The following ALG1L2 variants were observed in gnomAD, a reference collection of about 807,000 sequenced individuals.
The protein encoded by ALG1L2 is ALG1 chitobiosyldiphosphodolichol beta-mannosyltransferase like 2, also known as putative glycosyltransferase ALG1L2.
In ALG1L2, 32 loss-of-function variants were observed where a neutral mutation model predicts 29.0. The ratio of observed to expected loss-of-function variants is 1.10; its 90% CI spans 0.83 to 1.48. The LOEUF (loss-of-function observed/expected upper bound fraction) is 1.48, where lower values mean the gene tolerates loss of function less well. Ranked by LOEUF, ALG1L2 falls within the 40% of genes most tolerant of loss-of-function variation. The pLI, the probability that ALG1L2 is intolerant of heterozygous loss-of-function variation, is 0.00. For missense variants in ALG1L2, 318 were observed against 274.1 expected, an observed-to-expected ratio of 1.16 and a Z score of -1.13; for synonymous variants, 110 against 109.5, an observed-to-expected ratio of 1.00 and a Z score of -0.03.
At chr3:130,092,461 G>A (rs1009855033) in intron 3 of ALG1L2, among the ~76,000 whole-genome samples, 3 of 152,188 alleles carry the variant, frequency 2.0e-5, no homozygotes, top group Non-Finnish European at 4.4e-5. Context: ...GTGTGGCTGC[G>A]GTGAGGAGCT....
At chr3:130,097,472 T>G (rs1935169611) in intron 7 of ALG1L2, among the ~76,000 whole-genome samples, 1 of 152,170 alleles carries the variant, frequency 6.6e-6, no homozygotes, top group Non-Finnish European at 1.5e-5. Flanking sequence ...GCCCTCTAGA[T>G]TTATGGAGCT....
At chr3:130,091,730 G>C (rs1312032459) in intron 2 of ALG1L2, 1 of 574,238 alleles carries the variant, frequency 1.7e-6, no homozygotes, top group Admixed American at 2.3e-5. Flanking sequence ...TGTCCCCTGG[G>C]GTGTCTCATG....
intron 1 of ALG1L2, chr3:130,090,762 T>G (rs939063718): frequency 1.1e-5 from 1 of 90,362 alleles, no homozygotes; most frequent in African/African-American, 4.0e-5. Context: ...GAGAGTAGAC[T>G]CTCATCAAAG....
chr3:130,098,343 C>A lies in ALG1L2; in HGVS notation c.*88C>A, dbSNP rs1012103303. 6.3e-7 allele frequency: 1 copy of A among 1,596,220 alleles called. No homozygotes were observed. The highest frequency in any genetic ancestry group is 1.3e-5 in the African/African-American group (1 of 74,824). On this transcript the variant is annotated 3_prime_UTR_variant, in exon 8 of 8. Transcript: ENST00000425059. Reference sequence around the variant, plus strand: ...ATGAGAGCTGGGTGCAGACTGTGCTCCCTTTGGTTATGGACACATAACTCC... The same window carrying A: ...ATGAGAGCTGGGTGCAGACTGTGCTACCTTTGGTTATGGACACATAACTCC...
intron 1 of ALG1L2, among the ~76,000 whole-genome samples, chr3:130,084,174 A>G (rs1175659925): frequency 6.6e-6 from 1 of 150,764 alleles, no homozygotes; most frequent in Non-Finnish European, 1.5e-5. Flanking sequence ...AGGAGATGGG[A>G]CAACAGCTGG....
chr3:130,091,698 T>C lies in ALG1L2; in HGVS notation c.131+327T>C, dbSNP rs139655719. 1.6e-3 allele frequency: 836 copies of C among 534,340 alleles called. 7 individuals carry two copies. Among genetic ancestry groups the C allele is most frequent in the African/African-American group, 0.014 (744 of 52,538 alleles). The allele number at this position is 534,340 out of a possible 1,614,324, so 33.1% of individuals were successfully genotyped here. On this transcript the variant is annotated intron_variant, in intron 2 of 7. Coordinates refer to ENST00000425059, the MANE Select transcript of ALG1L2 (RefSeq NM_001136152.1). ...TCCTGCCAATGGGTTCCCAGGCCTG[T>C]GGCAGGATCTGTGGACCTGTGTGTC... is the stretch of plus-strand genomic sequence containing the variant.
Position 130,098,078 on chromosome 3 carries a change from G to A in ALG1L2, c.616-145G>A, listed in dbSNP as rs1316396569. 1.2e-5 allele frequency: 13 copies of A among 1,103,478 alleles called. No homozygotes were observed. The Admixed American group carries it at 1.7e-4, about 14-fold the overall frequency. The allele number at this position is 1,103,478 out of a possible 1,614,324, so 68.4% of individuals were successfully genotyped here. ...AAGCATGTCAAGATGGAGGCGGAGC[G>A]CTGCTGGGGTGTGAAGGGTCTCAAG... On this transcript the variant is annotated intron_variant, in intron 7 of 7. Transcript: ENST00000425059.
At position 130,089,229 on chromosome 3, in the gene ALG1L2, C is replaced by G. The variant is rs148107593; in HGVS notation, c.21-2032C>G. Among the ~76,000 whole-genome samples the G allele has an allele frequency of 1.1e-3, 171 of 152,392 alleles. No homozygotes were observed. The East Asian group carries it at 0.025, about 23-fold the overall frequency. On this transcript the variant is annotated intron_variant, in intron 1 of 7. Transcript: ENST00000425059. ...TCCCAAGTAAACTGAGGCACCTCCA[C>G]TGGTCCCTTTGTGAGGCACGCTTGA...
In ALG1L2 at chr3:130,084,228, C is replaced by A. The variant is rs1934844414; in HGVS notation, c.20+2192C>A. ...GTAATCCCAGCTACTCAGGCTGAGACAGTAGGATAGCTCGAGGCCAGGAGT... is the reference window on the plus strand; with the variant it reads ...GTAATCCCAGCTACTCAGGCTGAGAAAGTAGGATAGCTCGAGGCCAGGAGT... On this transcript the variant is annotated intron_variant, in intron 1 of 7. Transcript: ENST00000425059. Among the ~76,000 whole-genome samples the A allele has an allele frequency of 2.6e-5, 4 of 151,048 alleles. No homozygotes were observed. In the East Asian group the frequency reaches 7.7e-4, roughly 29 times the overall value.
chr3:130,091,674 C>T, intron 2 of ALG1L2: 1 of 536,232 alleles, frequency 1.9e-6, no homozygotes, highest in Non-Finnish European at 3.4e-6. Context: ...GTCTTACTCT[C>T]CTGCCAATGG....
chr3:130,097,491 A>T (rs149505905), intron 7 of ALG1L2, among the ~76,000 whole-genome samples: 2,414 of 152,344 alleles, frequency 0.016, 57 homozygotes, highest in African/African-American at 0.055. Flanking sequence ...CTGAGACTCC[A>T]CAAATGATGC....
In ALG1L2 at chr3:130,096,093, C is replaced by A. The variant is rs578194713; in HGVS notation, c.469C>A (p.Leu157Met). ...CTGTCTGGACACGTCCTCCAGTGGC[C>A]TGGACCTGCCCATGAAGGTGGTGGA... ...DVCLDTSSSG[L>M]DLPMKVVDMF... Residue 157 changes from leucine (L) to methionine (M), a missense_variant, in exon 6 of 8, where the codon CTG (leucine) becomes ATG (methionine). Transcript: ENST00000425059. 3.2e-5 allele frequency: 47 copies of A among 1,479,416 alleles called. No homozygotes were observed. The highest frequency in any genetic ancestry group is 4.2e-5 in the Non-Finnish European group (47 of 1,115,436). 91.6% of individuals were successfully genotyped at this position (1,479,416 alleles called of 1,614,324 possible).
rs373928413 is a variant in ALG1L2, at chr3:130,093,085, C to CT, written c.254-9dup. ...TCAGAAATTCCATGTAGAATTGTTT[C>CT]TTTTTTTAAACACAGAGTTTGAACA... On this transcript the variant is annotated splice_polypyrimidine_tract_variant and intron_variant, in intron 3 of 7. Coordinates refer to ENST00000425059, the MANE Select transcript of ALG1L2 (RefSeq NM_001136152.1). The CT allele has an allele frequency of 1.6e-6, 2 of 1,262,190 alleles. No individual in the cohort carries two copies. The highest frequency in any genetic ancestry group is 2.1e-5 in the Admixed American group (1 of 47,790). 78.2% of individuals were successfully genotyped at this position (1,262,190 alleles called of 1,614,324 possible). A position where few individuals can be genotyped will look rare whatever the true frequency, so the allele number is the denominator to read the frequency against.
chr3:130,094,065 G>A lies in ALG1L2; in HGVS notation c.314-338G>A, dbSNP rs114607882. 2.2e-3 allele frequency: 742 copies of A among 339,170 alleles called. 6 individuals are homozygous for A. Among genetic ancestry groups the A allele is most frequent in the African/African-American group, 0.015 (684 of 47,114 alleles). The allele number at this position is 339,170 out of a possible 1,614,324, so 21.0% of individuals were successfully genotyped here. A position where few individuals can be genotyped will look rare whatever the true frequency, so the allele number is the denominator to read the frequency against. On this transcript the variant is annotated intron_variant, in intron 4 of 7. Coordinates refer to ENST00000425059, the MANE Select transcript of ALG1L2 (RefSeq NM_001136152.1). Reference sequence around the variant, plus strand: ...GTTTGGGGGCTGTGCCAGGGCAGAGGGAGTCCTCTTGTCCCCTGTGCACAA... The same window carrying A: ...GTTTGGGGGCTGTGCCAGGGCAGAGAGAGTCCTCTTGTCCCCTGTGCACAA...
chr3:130,093,290 T>C (rs1935059981), intron 4 of ALG1L2, 130 bp downstream of exon 4: 3 of 1,077,498 alleles, frequency 2.8e-6, no homozygotes. Context: ...CCATAGGGTC[T>C]TACACTGCTT....
chr3:130,083,407 C>T (rs1158260636), intron 1 of ALG1L2, among the ~76,000 whole-genome samples: 4 of 127,814 alleles, frequency 3.1e-5, no homozygotes, highest in African/African-American at 1.1e-4. Context: ...TCTCACCCTG[C>T]ACTCCAGCCT....
intron 6 of ALG1L2, 140 bp downstream of exon 6, chr3:130,096,303 C>T: frequency 1.1e-6 from 1 of 927,666 alleles, no homozygotes; most frequent in Non-Finnish European, 1.6e-6. Flanking sequence ...CGAGGAGGAG[C>T]CCTGCGGTTA....
At chr3:130,083,868 G>T (rs1934837229) in intron 1 of ALG1L2, among the ~76,000 whole-genome samples, 1 of 148,882 alleles carries the variant, frequency 6.7e-6, no homozygotes, top group South Asian at 2.1e-4. Flanking sequence ...AGGGGATTTA[G>T]CCATAAAATC....
At chr3:130,093,897 C>G (rs1935073418) in intron 4 of ALG1L2, 1 of 184,820 alleles carries the variant, frequency 5.4e-6, no homozygotes, top group African/African-American at 2.4e-5. Flanking sequence ...CCTCCCTCCT[C>G]TGGCCTCTAG....
Sources: allele counts gnomAD v4.1 joint callset (sites outside exome capture counted in the v4.1 genomes callset), GRCh38; gene constraint gnomAD v4.1.1; transcripts MANE v1.5; gene names NCBI Gene and HGNC (gene_info 2026-07-23, HGNC 2026-07-21).